The following PSMB1 variants were observed in gnomAD, a reference collection of about 807,000 sequenced individuals.
The protein encoded by PSMB1 is proteasome subunit beta type-1.
In PSMB1, 7 loss-of-function variants were observed where a neutral mutation model predicts 25.4. The ratio of observed to expected loss-of-function variants is 0.28; its 90% confidence interval spans 0.16 to 0.52. PSMB1 has a LOEUF of 0.52. Ranked by LOEUF, PSMB1 falls within the 20% of genes least tolerant of loss-of-function variation. The pLI is 0.97. For missense variants in PSMB1, 284 were observed against 302.2 expected (o/e 0.94, Z 0.45); for synonymous variants, 119 against 115.0 (o/e 1.03, Z -0.22).
intron 1 of PSMB1, 66 bp from the exon 2 acceptor site, chr6:170,549,179 C>T: frequency 1.1e-6 from 1 of 875,136 alleles, no homozygotes; most frequent in South Asian, 1.4e-5. Context: ...TAGAAGAATG[C>T]TCCATAGTAC....
In PSMB1 at chr6:170,535,200, T is replaced by G; in HGVS notation, c.*20A>C. On this transcript the variant is annotated 3_prime_UTR_variant, in exon 6 of 6. Coordinates refer to ENST00000262193, the MANE Select transcript of PSMB1 (RefSeq NM_002793.4). Reference sequence around the variant, plus strand: ...CAAAATCAACCAGGTCTGAACTGATTGGTGATAAGAGCACACAGATCAGTC... The same window carrying G: ...CAAAATCAACCAGGTCTGAACTGATGGGTGATAAGAGCACACAGATCAGTC... 1 of 1,609,850 alleles carries G rather than the reference T, an allele frequency of 6.2e-7. No homozygotes were observed. The highest frequency in any genetic ancestry group is 8.5e-7 in the Non-Finnish European group (1 of 1,176,760).
intron 1 of PSMB1, chr6:170,550,270 C>T (rs565876762): frequency 4.6e-5 from 7 of 152,204 alleles, no homozygotes; most frequent in Non-Finnish European, 8.8e-5. Context: ...GGTAATTATT[C>T]AAATAGTACA....
intron 1 of PSMB1, among the ~76,000 whole-genome samples, chr6:170,552,674 TAAC>T (rs1451038977): frequency 1.3e-5 from 2 of 152,220 alleles, no homozygotes; most frequent in African/African-American, 4.8e-5. Context: ...GCTATGCATC[TAAC>T]AACACAGACC....
intron 5 of PSMB1, chr6:170,536,468 G>C (rs1436497398): frequency 2.2e-6 from 1 of 456,700 alleles, no homozygotes; most frequent in Non-Finnish European, 4.4e-6. Context: ...GGAAAGTTAT[G>C]ACATCACAAG....
intron 2 of PSMB1, among the ~76,000 whole-genome samples, chr6:170,546,512 C>G (rs898049351): frequency 4.6e-5 from 7 of 152,202 alleles, no homozygotes; most frequent in Non-Finnish European, 1.0e-4. Flanking sequence ...GTCACCCAGG[C>G]TGGAATGCAG....
At chr6:170,550,405 T>G (rs964517695) in intron 1 of PSMB1, 6 of 152,230 alleles carry the variant, frequency 3.9e-5, no homozygotes, top group South Asian at 2.1e-4. Flanking sequence ...GATTTTGGAA[T>G]TTTAGCAAGA....
At chr6:170,546,075 T>C in intron 3 of PSMB1, 28 bp downstream of exon 3, 2 of 1,570,450 alleles carry the variant, frequency 1.3e-6, no homozygotes, top group Admixed American at 3.4e-5. Flanking sequence ...TAATTTAAAA[T>C]AGTGTAGAAA....
chr6:170,537,398 G>C (rs750396186), intron 4 of PSMB1, 58 bp from the exon 5 acceptor site: 2 of 1,381,610 alleles, frequency 1.4e-6, no homozygotes. Context: ...CCAAATCATC[G>C]CAAAAATAAA....
intron 4 of PSMB1, among the ~76,000 whole-genome samples, chr6:170,540,588 CAAAAAAAAAA>C (rs5881872): frequency 3.3e-4 from 20 of 61,194 alleles, no homozygotes; most frequent in Non-Finnish European, 5.2e-4. Flanking sequence ...GAATGGACAG[CAAAAAAAAAA>C]AAAAAAAAAA....
intron 1 of PSMB1, among the ~76,000 whole-genome samples, chr6:170,550,910 G>A (rs892645047): frequency 6.7e-6 from 1 of 148,606 alleles, no homozygotes; most frequent in East Asian, 2.0e-4. Flanking sequence ...GCTGAGGGGG[G>A]GGGGGGGGGT....
At chr6:170,537,747 T>C (rs1024228428) in intron 4 of PSMB1, among the ~76,000 whole-genome samples, 1 of 152,126 alleles carries the variant, frequency 6.6e-6, no homozygotes, top group Admixed American at 6.5e-5. Flanking sequence ...TTGGAAGCCA[T>C]GAGAATACAC....
rs1382689162 is a variant in PSMB1, at chr6:170,552,331, A to T, written c.113+799T>A. ...TTTCAATTTACAGCTCTTCCCTGTC[A>T]AGAGTCTTAAACAGAGCATCTTTCT... On this transcript the variant is annotated intron_variant, in intron 1 of 5. Transcript: ENST00000262193. Among the ~76,000 whole-genome samples the T allele has an allele frequency of 2.0e-5, 3 of 152,352 alleles. No homozygotes were observed. In the East Asian group the frequency reaches 5.8e-4, roughly 29 times the overall value.
intron 1 of PSMB1, among the ~76,000 whole-genome samples, chr6:170,552,873 C>G (rs1445452801): frequency 1.3e-5 from 2 of 152,242 alleles, no homozygotes; most frequent in East Asian, 3.8e-4. Context: ...ACTCAAATGA[C>G]ATGACTGTAA....
intron 2 of PSMB1, among the ~76,000 whole-genome samples, chr6:170,547,012 T>C (rs1778827304): frequency 6.6e-6 from 1 of 152,062 alleles, no homozygotes; most frequent in African/African-American, 2.4e-5. Context: ...AAAGAGACAT[T>C]AAGTCACCAT....
chr6:170,542,193 C>CA (rs950697698), intron 4 of PSMB1, among the ~76,000 whole-genome samples: 9 of 152,282 alleles, frequency 5.9e-5, no homozygotes, highest in Admixed American at 5.2e-4. Context: ...TAAACCATGG[C>CA]AGGTAAAATG....
At chr6:170,540,394 C>G (rs1014201016) in intron 4 of PSMB1, among the ~76,000 whole-genome samples, 9 of 151,960 alleles carry the variant, frequency 5.9e-5, no homozygotes, top group Non-Finnish European at 1.3e-4. Flanking sequence ...CCTCTGAGGC[C>G]TAAAAAGCTG....
Position 170,553,223 on chromosome 6 carries a change from A to G in PSMB1, c.20T>C (p.Met7Thr), listed in dbSNP as rs772896597. 4 of 1,613,010 alleles carry G rather than the reference A, an allele frequency of 2.5e-6. No individual in the cohort carries two copies. Among genetic ancestry groups the G allele is most frequent in the South Asian group, 1.1e-5 (1 of 90,844 alleles). ...CAAGTCTCTGCCAGGAGCCGAATAC[A>G]TGGCTGTAGAGGACAACATCGCACG... is the stretch of plus-strand genomic sequence containing the variant. MLSSTA[M>T]YSAPGRDLGM... Residue 7 changes from methionine to threonine, a missense_variant, in exon 1 of 6, where the codon ATG (methionine) becomes ACG (threonine). By Grantham distance (81) the Met-to-Thr change is moderately conservative. Coordinates refer to ENST00000262193, the MANE Select transcript of PSMB1 (RefSeq NM_002793.4).
Position 170,549,119 on chromosome 6 carries a change from G to GA in PSMB1, c.114-7dup. ...CAGCAATTGCCAGTATAGTACTGAGGAAAAAAGAAAAAAATTAATTCTCCA... is the reference window on the plus strand; with the variant it reads ...CAGCAATTGCCAGTATAGTACTGAGGAAAAAAAGAAAAAAATTAATTCTCCA... On this transcript the variant is annotated splice_region_variant and splice_polypyrimidine_tract_variant and intron_variant, in intron 1 of 5. Transcript: ENST00000262193. The GA allele has an allele frequency of 6.5e-7, 1 of 1,549,082 alleles. No homozygotes were observed. The highest frequency in any genetic ancestry group is 8.9e-7 in the Non-Finnish European group (1 of 1,124,120).
rs1404748964 is a variant in PSMB1, at chr6:170,537,127, T to G, written c.540+107A>C. The G allele has an allele frequency of 3.1e-5, 25 of 804,458 alleles. No individual in the cohort carries two copies. The East Asian group carries it at 6.3e-4, about 20-fold the overall frequency. 49.8% of individuals were successfully genotyped at this position (804,458 alleles called of 1,614,324 possible). On this transcript the variant is annotated intron_variant, in intron 5 of 5. Transcript: ENST00000262193. ...AGTAATTTATAAGAAAGTCTTTATATCTTGGCTCTCCTAAGCTAATGAAGA... is the reference window on the plus strand; with the variant it reads ...AGTAATTTATAAGAAAGTCTTTATAGCTTGGCTCTCCTAAGCTAATGAAGA...
Sources: allele counts gnomAD v4.1 joint callset (sites outside exome capture counted in the v4.1 genomes callset), GRCh38; gene constraint gnomAD v4.1.1; transcripts MANE v1.5; gene names NCBI Gene and HGNC (gene_info 2026-07-23, HGNC 2026-07-21).